The following MAP2K5 variants were observed in gnomAD, a reference collection of about 807,000 sequenced individuals.
MAP2K5 encodes mitogen-activated protein kinase kinase 5.
Under a neutral mutation model 83.1 loss-of-function variants are expected in MAP2K5, and 49 were observed. That is an observed-to-expected ratio of 0.59 (90% CI 0.47 to 0.75). The LOEUF is 0.75. Among genes scored for constraint, MAP2K5 ranks in the 30% least tolerant of loss-of-function variants. The pLI is 0.00. For synonymous variants in MAP2K5, 202 were observed against 191.8 expected (o/e 1.05, Z -0.44); for missense variants, 457 against 557.5 (o/e 0.82, Z 1.82).
At chr15:67,653,104 T>G (rs1240621039) in intron 11 of MAP2K5, among the ~76,000 whole-genome samples, 1 of 152,214 alleles carries the variant, frequency 6.6e-6, no homozygotes, top group Non-Finnish European at 1.5e-5. Flanking sequence ...AGAATTAATC[T>G]GTTTCATCTA....
At chr15:67,658,258 G>A (rs1423726095) in intron 11 of MAP2K5, among the ~76,000 whole-genome samples, 1 of 152,074 alleles carries the variant, frequency 6.6e-6, no homozygotes, top group Non-Finnish European at 1.5e-5. Context: ...ATAATTTTGT[G>A]TATGTATTTA....
chr15:67,689,513 A>T (rs2088046127), intron 13 of MAP2K5, among the ~76,000 whole-genome samples: 1 of 152,196 alleles, frequency 6.6e-6, no homozygotes. Context: ...ACAGTGATTA[A>T]AACAGTCTTG....
At chr15:67,593,654 T>C (rs954950000) in intron 7 of MAP2K5, among the ~76,000 whole-genome samples, 3 of 152,282 alleles carry the variant, frequency 2.0e-5, no homozygotes, top group Admixed American at 1.3e-4. Flanking sequence ...ATGTTTGTTA[T>C]AGTGGAAGCC....
At position 67,543,416 on chromosome 15, in the gene MAP2K5, C is replaced by T. The variant is rs200652843; in HGVS notation, c.81C>T (p.Gly27=). Residue 27 remains glycine, a synonymous_variant, in exon 1 of 22, where the codon GGC becomes GGT. Transcript: ENST00000178640. This position sits in a 1 kb window ranked among gnomAD's most constrained non-coding sequence, Gnocchi z 4.3. ...TTCGCATCAAGATCCCAAATAGTGG[C>T]GCGGTGGACTGGACAGTGCACTCCG... is the stretch of plus-strand genomic sequence containing the variant. The part of the protein sequence containing the change: ...LVIRIKIPNS[G]AVDWTVHSGP... The T allele has an allele frequency of 2.5e-5, 40 of 1,614,098 alleles. No individual in the cohort carries two copies. Among genetic ancestry groups the T allele is most frequent in the Non-Finnish European group, 3.4e-5 (40 of 1,179,994 alleles).
At chr15:67,675,703 C>CA (rs923294977) in intron 13 of MAP2K5, among the ~76,000 whole-genome samples, 23 of 151,948 alleles carry the variant, frequency 1.5e-4, no homozygotes, top group African/African-American at 4.3e-4. Flanking sequence ...ATGTAAACAA[C>CA]AAAAAAAGAA....
Position 67,694,585 on chromosome 15 carries a change from C to T in MAP2K5, c.972+1017C>T, listed in dbSNP as rs562396320. Among the ~76,000 whole-genome samples, 7 of 152,002 alleles carry T rather than the reference C, an allele frequency of 4.6e-5. No homozygotes were observed. In the South Asian group the frequency reaches 1.0e-3, roughly 23 times the overall value. ...TACCATCTCACACCAGTTAGAATGG[C>T]GATCATTAAAAAGTCAGGAAACAAC... is the stretch of plus-strand genomic sequence containing the variant. On this transcript the variant is annotated intron_variant, in intron 15 of 21. Coordinates refer to ENST00000178640, the MANE Select transcript of MAP2K5 (RefSeq NM_145160.3).
chr15:67,699,986 A>AG (rs2088374782), intron 15 of MAP2K5, among the ~76,000 whole-genome samples: 1 of 151,698 alleles, frequency 6.6e-6, no homozygotes, highest in South Asian at 2.1e-4. Flanking sequence ...AAAAAAAAAA[A>AG]AATCCTCATC....
At chr15:67,682,165 G>A (rs1452553895) in intron 13 of MAP2K5, among the ~76,000 whole-genome samples, 2 of 151,498 alleles carry the variant, frequency 1.3e-5, no homozygotes, top group Non-Finnish European at 2.9e-5. Flanking sequence ...ATGGCTTCGA[G>A]TGAAGCTGAA....
At chr15:67,581,520 G>A (rs780889260) in intron 4 of MAP2K5, among the ~76,000 whole-genome samples, 11 of 152,056 alleles carry the variant, frequency 7.2e-5, no homozygotes, top group African/African-American at 1.4e-4. Flanking sequence ...TCTTTCACCC[G>A]TTATACATTG....
chr15:67,621,220 A>C (rs910726841), intron 8 of MAP2K5, among the ~76,000 whole-genome samples: 1 of 152,150 alleles, frequency 6.6e-6, no homozygotes, highest in East Asian at 1.9e-4. Context: ...TGAAAATACA[A>C]ATATTTACAA....
chr15:67,639,855 T>C (rs1439317821), intron 9 of MAP2K5, among the ~76,000 whole-genome samples: 1 of 152,224 alleles, frequency 6.6e-6, no homozygotes, highest in Non-Finnish European at 1.5e-5. Flanking sequence ...TCACCCGTTA[T>C]CTCTACCTAT....
At chr15:67,620,843 A>G (rs570680963) in intron 8 of MAP2K5, among the ~76,000 whole-genome samples, 1 of 152,352 alleles carries the variant, frequency 6.6e-6, no homozygotes, top group Admixed American at 6.5e-5. Context: ...TAGAATGTGT[A>G]ACTTCAAAAC....
At chr15:67,599,102 A>G (rs957036630) in intron 7 of MAP2K5, among the ~76,000 whole-genome samples, 1 of 152,174 alleles carries the variant, frequency 6.6e-6, no homozygotes, top group Admixed American at 6.5e-5. Context: ...ACTTTTCTTC[A>G]TGCTGCTTTA....
chr15:67,744,576 G>C (rs540420806), intron 17 of MAP2K5, among the ~76,000 whole-genome samples: 10 of 152,328 alleles, frequency 6.6e-5, no homozygotes, highest in African/African-American at 2.4e-4. Flanking sequence ...AAGTTACATA[G>C]GTAGATTCAT....
chr15:67,599,012 T>C (rs144255324), intron 7 of MAP2K5, among the ~76,000 whole-genome samples: 1 of 152,238 alleles, frequency 6.6e-6, no homozygotes, highest in African/African-American at 2.4e-5. Flanking sequence ...CAATGGATAC[T>C]GCTATTTACG....
At chr15:67,759,386 C>T (rs906675404) in intron 19 of MAP2K5, among the ~76,000 whole-genome samples, 7 of 151,572 alleles carry the variant, frequency 4.6e-5, no homozygotes, top group Middle Eastern at 3.4e-3. Flanking sequence ...TGGTGAGACC[C>T]GATCTCTACA....
intron 13 of MAP2K5, among the ~76,000 whole-genome samples, chr15:67,675,387 A>G (rs2087652281): frequency 6.6e-6 from 1 of 152,200 alleles, no homozygotes; most frequent in Admixed American, 6.5e-5. Flanking sequence ...TATTCTTGAG[A>G]TGACAAAATT....
rs35988425 is a variant in MAP2K5, at chr15:67,737,844, C to CTTTTT, written c.1074+9920_1074+9924dup. ...AGAACAGCTTGGGGAATAGAATAGTCTTTTTTTTTTTTTTTTTTTTTTTTT... is the reference window on the plus strand; with the variant it reads ...AGAACAGCTTGGGGAATAGAATAGTCTTTTTTTTTTTTTTTTTTTTTTTTTTTTTT... On this transcript the variant is annotated intron_variant, in intron 17 of 21. Transcript: ENST00000178640. Among the ~76,000 whole-genome samples, 107 of 69,300 alleles carry CTTTTT rather than the reference C, an allele frequency of 1.5e-3. 10 individuals carry two copies. The highest frequency in any genetic ancestry group is 4.8e-3 in the East Asian group (9 of 1,858). 45.5% of individuals were successfully genotyped at this position (69,300 alleles called of 152,430 possible).
rs547191482 is a variant in MAP2K5, at chr15:67,720,745, T to A, written c.1045-7171T>A. ...ATAACTTCCAGTAATTAGTGTATTT[T>A]ATGGGCCTTTGCTTCAGTGGCTCGA... On this transcript the variant is annotated intron_variant, in intron 16 of 21. Transcript: ENST00000178640. This position sits in a 1 kb window ranked among gnomAD's most constrained non-coding sequence, Gnocchi z 5.7. Among the ~76,000 whole-genome samples the A allele has an allele frequency of 6.6e-6, 1 of 152,334 alleles. No individual in the cohort carries two copies. Among genetic ancestry groups the A allele is most frequent in the East Asian group, 1.9e-4 (1 of 5,186 alleles).
Sources: gnomAD v4.1 joint callset for allele counts (sites outside exome capture counted in the v4.1 genomes callset) on GRCh38, gnomAD v4.1.1 for gene constraint, Gnocchi (gnomAD v3.1) non-coding constraint, MANE v1.5 for transcripts, NCBI Gene and HGNC (gene_info 2026-07-23, HGNC 2026-07-21) for gene names.